HTR2C: variants seen among roughly 807,000 people sequenced by gnomAD.
HTR2C encodes 5-hydroxytryptamine receptor 2C.
A neutral mutation model predicts 21.0 loss-of-function variants in HTR2C; 5 were observed. The observed-to-expected ratio is 0.24, with a 90% confidence interval of 0.12 to 0.50. HTR2C has a LOEUF of 0.50. Among genes scored for constraint, HTR2C ranks in the 20% least tolerant of loss-of-function variants. The pLI is 0.98. For missense variants in HTR2C, 271 were observed against 371.2 expected (o/e 0.73, Z 2.22); for synonymous variants, 150 against 145.3 (o/e 1.03, Z -0.23).
At chrX:114,867,157 G>A (rs1485689870) in intron 5 of HTR2C, among the ~76,000 whole-genome samples, 1 of 111,490 alleles carries the variant, frequency 9.0e-6, no homozygotes, top group African/African-American at 3.3e-5. Context: ...CACATCCTTA[G>A]CAGCATTTGT....
At chrX:114,874,138 T>TTGTGTG (rs34475522) in intron 5 of HTR2C, among the ~76,000 whole-genome samples, 1 of 105,922 alleles carries the variant, frequency 9.4e-6, no homozygotes, top group Non-Finnish European at 1.9e-5. Flanking sequence ...AATAATTCTC[T>TTGTGTG]TGTGTGTGTG....
chrX:114,730,681 G>A (rs1232518781), intron 3 of HTR2C, among the ~76,000 whole-genome samples: 1 of 111,739 alleles, frequency 8.9e-6, no homozygotes, highest in Non-Finnish European at 1.9e-5. Context: ...TCTTAGCCTT[G>A]GATCAATAGA....
intron 5 of HTR2C, among the ~76,000 whole-genome samples, chrX:114,893,047 G>C (rs1283380605): frequency 9.2e-6 from 1 of 108,696 alleles, no homozygotes; most frequent in Non-Finnish European, 1.9e-5. Context: ...CAAGTAGCTG[G>C]GATTACAGGC....
chrX:114,767,901 C>T (rs937886444), intron 4 of HTR2C, among the ~76,000 whole-genome samples: 3 of 109,459 alleles, frequency 2.7e-5, no homozygotes. Context: ...ACATATAAAC[C>T]GTTGTAATCA....
chrX:114,700,748 C>G (rs1005683558), intron 2 of HTR2C, among the ~76,000 whole-genome samples: 121 of 112,493 alleles, frequency 1.1e-3, no homozygotes, highest in Non-Finnish European at 2.0e-3. Flanking sequence ...AGCCGAAGCA[C>G]GGCGAGGCAT....
chrX:114,910,038 A>G lies in HTR2C; in HGVS notation c.*2623A>G, dbSNP rs1349372815. ...ACAGGTTTTATGAGACTTCCTATTA[A>G]TTTATTAAATTTATTAAATGTTGGC... On this transcript the variant is annotated 3_prime_UTR_variant, in exon 6 of 6. Coordinates refer to ENST00000276198, the MANE Select transcript of HTR2C (RefSeq NM_000868.4). 1 of 111,628 alleles carries G rather than the reference A, an allele frequency of 9.0e-6. No homozygotes were observed. Among genetic ancestry groups the G allele is most frequent in the Admixed American group, 9.6e-5 (1 of 10,436 alleles). 9.2% of individuals were successfully genotyped at this position (111,628 alleles called of 1,213,427 possible).
intron 4 of HTR2C, among the ~76,000 whole-genome samples, chrX:114,738,716 T>G (rs1363750156): frequency 9.1e-6 from 1 of 110,374 alleles, no homozygotes; most frequent in African/African-American, 3.3e-5. Context: ...GATGATGGGT[T>G]GATGGGTGCA....
chrX:114,831,225 G>C (rs1411788913), intron 4 of HTR2C, among the ~76,000 whole-genome samples: 1 of 92,553 alleles, frequency 1.1e-5, no homozygotes, highest in African/African-American at 3.8e-5. Context: ...TAATGGGATG[G>C]CTGGGTCAAA....
intron 4 of HTR2C, among the ~76,000 whole-genome samples, chrX:114,794,430 G>T (rs1556444544): frequency 9.3e-6 from 1 of 107,879 alleles, no homozygotes. Context: ...CAACATGCAG[G>T]TTAGTTACAT....
In HTR2C at chrX:114,907,846, G is replaced by A; in HGVS notation, c.*431G>A. The A allele has an allele frequency of 7.9e-6, 1 of 126,719 alleles. No individual in the cohort carries two copies. Among genetic ancestry groups the A allele is most frequent in the South Asian group, 2.7e-4 (1 of 3,689 alleles). 10.4% of individuals were successfully genotyped at this position (126,719 alleles called of 1,213,427 possible). ...ACAAATTCAGTGGACATTTGTTCTG[G>A]GTTAACAGTAAATATACACTTTACA... is the stretch of plus-strand genomic sequence containing the variant. On this transcript the variant is annotated 3_prime_UTR_variant, in exon 6 of 6. Transcript: ENST00000276198.
chrX:114,606,869 A>G (rs139260955), intron 1 of HTR2C, among the ~76,000 whole-genome samples: 3,239 of 110,512 alleles, frequency 0.029, 150 homozygotes, highest in African/African-American at 0.1. Context: ...CCTGGGTGCA[A>G]GTGGGCTGAG....
At chrX:114,760,028 G>A (rs1434569840) in intron 4 of HTR2C, among the ~76,000 whole-genome samples, 3 of 111,622 alleles carry the variant, frequency 2.7e-5, no homozygotes, top group Non-Finnish European at 5.6e-5. Context: ...GATCTGGATG[G>A]CACCCTCACT....
intron 2 of HTR2C, among the ~76,000 whole-genome samples, chrX:114,716,593 G>A (rs966908311): frequency 9.0e-6 from 1 of 111,221 alleles, no homozygotes; most frequent in Non-Finnish European, 1.9e-5. Context: ...AATCACTGGT[G>A]GAAGAGTAGT....
At chrX:114,667,858 A>G (rs1556411108) in intron 2 of HTR2C, among the ~76,000 whole-genome samples, 1 of 111,812 alleles carries the variant, frequency 8.9e-6, no homozygotes, top group Admixed American at 9.5e-5. Flanking sequence ...GCAATGATAT[A>G]TTTATTAACT....
At chrX:114,648,475 C>T (rs782375283) in intron 2 of HTR2C, among the ~76,000 whole-genome samples, 2 of 111,767 alleles carry the variant, frequency 1.8e-5, no homozygotes, top group Admixed American at 1.9e-4. Context: ...CCTCTGTAAT[C>T]CCAGCACTTT....
chrX:114,870,635 C>T (rs1556476229), intron 5 of HTR2C, among the ~76,000 whole-genome samples: 1 of 110,653 alleles, frequency 9.0e-6, no homozygotes, highest in Non-Finnish European at 1.9e-5. Context: ...GGATTTCTTC[C>T]TGGTTCAATC....
intron 4 of HTR2C, among the ~76,000 whole-genome samples, chrX:114,802,860 T>G (rs1203040610): frequency 1.0e-5 from 1 of 96,877 alleles, no homozygotes; most frequent in Non-Finnish European, 2.1e-5. Context: ...TAGGTATATC[T>G]CCCAATGCTA....
chrX:114,657,356 G>A (rs1486907362), intron 2 of HTR2C, among the ~76,000 whole-genome samples: 1 of 110,529 alleles, frequency 9.0e-6, no homozygotes, highest in Non-Finnish European at 1.9e-5. Flanking sequence ...ATTTTTAATT[G>A]CTTGAATTGC....
intron 4 of HTR2C, among the ~76,000 whole-genome samples, chrX:114,763,426 C>T (rs782694504): frequency 3.4e-4 from 38 of 111,842 alleles, no homozygotes; most frequent in African/African-American, 4.2e-4. Context: ...AGGAAAATGC[C>T]CCTTTATAAC....
Sources: gnomAD v4.1 joint callset for allele counts (sites outside exome capture counted in the v4.1 genomes callset) on GRCh38, gnomAD v4.1.1 for gene constraint, MANE v1.5 for transcripts, NCBI Gene and HGNC (gene_info 2026-07-23, HGNC 2026-07-21) for gene names.